TMEM135: variants seen among roughly 807,000 people sequenced by gnomAD.
The protein encoded by TMEM135 is transmembrane protein 135.
A neutral mutation model predicts 60.3 loss-of-function variants in TMEM135; 30 were observed. The observed-to-expected ratio is 0.50, with a 90% confidence interval of 0.37 to 0.68. The LOEUF (loss-of-function observed/expected upper bound fraction) is 0.68, where lower values mean the gene tolerates loss of function less well. TMEM135 is among the 30% of genes least tolerant of loss of function. The pLI is 0.00. For missense variants in TMEM135, 468 were observed against 548.8 expected (o/e 0.85, Z 1.47); for synonymous variants, 190 against 186.7 (o/e 1.02, Z -0.14).
chr11:87,197,966 T>A (rs1329063317), intron 5 of TMEM135, among the ~76,000 whole-genome samples: 1 of 152,130 alleles, frequency 6.6e-6, no homozygotes, highest in African/African-American at 2.4e-5. Flanking sequence ...TTTAGGTACA[T>A]AATAGTTGTA....
intron 5 of TMEM135, among the ~76,000 whole-genome samples, chr11:87,158,534 T>C (rs1325429957): frequency 2.4e-4 from 36 of 151,278 alleles, no homozygotes; most frequent in African/African-American, 8.3e-4. Flanking sequence ...TGATCTTGGC[T>C]TACTACAAGC....
At chr11:87,316,001 C>T (rs1942722156) in intron 12 of TMEM135, among the ~76,000 whole-genome samples, 1 of 151,830 alleles carries the variant, frequency 6.6e-6, no homozygotes. Flanking sequence ...CATTTTCTGC[C>T]TCAGATGTAG....
chr11:87,184,201 G>T (rs1939594599), intron 5 of TMEM135, among the ~76,000 whole-genome samples: 1 of 152,048 alleles, frequency 6.6e-6, no homozygotes, highest in Non-Finnish European at 1.5e-5. Flanking sequence ...GTGATCCAAA[G>T]AAGTCATCAA....
At chr11:87,194,168 G>C (rs927697082) in intron 5 of TMEM135, among the ~76,000 whole-genome samples, 2 of 152,060 alleles carry the variant, frequency 1.3e-5, no homozygotes, top group East Asian at 1.9e-4. Flanking sequence ...CCACACAAAA[G>C]ACAACATATT....
rs145966589 is a variant in TMEM135 at position 87,066,119 on chromosome 11, C to T, written c.142-1575C>T. Among the ~76,000 whole-genome samples the T allele has an allele frequency of 3.9e-4, 60 of 152,216 alleles. No individual in the cohort carries two copies. The East Asian group carries it at 0.01, about 26-fold the overall frequency. On this transcript the variant is annotated intron_variant, in intron 1 of 14. Transcript: ENST00000305494. Reference sequence around the variant, plus strand: ...ATTAGATTTGTTGATCACTGACTTTCGGAAAAGTATTATCTCTAGAAAGAT... The same window carrying T: ...ATTAGATTTGTTGATCACTGACTTTTGGAAAAGTATTATCTCTAGAAAGAT...
intron 5 of TMEM135, among the ~76,000 whole-genome samples, chr11:87,189,959 CATAAA>C (rs780654133): frequency 6.6e-4 from 101 of 152,070 alleles, no homozygotes; most frequent in Non-Finnish European, 9.7e-4. Flanking sequence ...AAATAAAATA[CATAAA>C]ATAAAAAATC....
At chr11:87,176,678 A>G (rs1404297256) in intron 5 of TMEM135, among the ~76,000 whole-genome samples, 2 of 152,174 alleles carry the variant, frequency 1.3e-5, no homozygotes, top group Non-Finnish European at 2.9e-5. Context: ...GGTAGGTTGA[A>G]GAGTTGAAGG....
intron 5 of TMEM135, among the ~76,000 whole-genome samples, chr11:87,213,213 T>A (rs1433860943): frequency 2.0e-5 from 3 of 152,156 alleles, no homozygotes; most frequent in Admixed American, 1.3e-4. Flanking sequence ...TATAAAATGG[T>A]CTCTGTGTGT....
chr11:87,297,261 G>A (rs150313342), intron 7 of TMEM135, among the ~76,000 whole-genome samples: 151 of 152,254 alleles, frequency 9.9e-4, no homozygotes, highest in Non-Finnish European at 1.8e-3. Context: ...AAACCAAAGT[G>A]CCTGAAAGAA....
At chr11:87,194,150 C>T (rs1382911296) in intron 5 of TMEM135, among the ~76,000 whole-genome samples, 1 of 152,052 alleles carries the variant, frequency 6.6e-6, no homozygotes, top group Non-Finnish European at 1.5e-5. Context: ...GAAAAAGAAA[C>T]TGTGGCTCCA....
chr11:87,305,667 G>A (rs1028327498), intron 8 of TMEM135, among the ~76,000 whole-genome samples: 6 of 151,934 alleles, frequency 3.9e-5, no homozygotes, highest in African/African-American at 1.2e-4. Context: ...CCAGCTACTC[G>A]GGAGGCTGAG....
chr11:87,169,436 G>A (rs1373153507), intron 5 of TMEM135, among the ~76,000 whole-genome samples: 1 of 151,692 alleles, frequency 6.6e-6, no homozygotes, highest in African/African-American at 2.4e-5. Flanking sequence ...GCAGTGGCTG[G>A]TACTGGTTTT....
chr11:87,316,815 T>C (rs1163724229), intron 12 of TMEM135, among the ~76,000 whole-genome samples: 1 of 151,940 alleles, frequency 6.6e-6, no homozygotes. Flanking sequence ...CTCTGTTTCT[T>C]GTGTCATCAG....
At chr11:87,301,809 A>G (rs115305368) in intron 7 of TMEM135, among the ~76,000 whole-genome samples, 5,305 of 152,288 alleles carry the variant, frequency 0.035, 91 homozygotes, top group Admixed American at 0.046. Flanking sequence ...TGAAATAGGA[A>G]TATTATTTTC....
At chr11:87,313,697 G>A (rs1337451593) in intron 11 of TMEM135, among the ~76,000 whole-genome samples, 1 of 151,648 alleles carries the variant, frequency 6.6e-6, no homozygotes, top group Non-Finnish European at 1.5e-5. Flanking sequence ...CAATATAATG[G>A]CTTGGGTATC....
At chr11:87,102,139 T>C (rs1857472186) in intron 4 of TMEM135, among the ~76,000 whole-genome samples, 1 of 152,204 alleles carries the variant, frequency 6.6e-6, no homozygotes, top group Non-Finnish European at 1.5e-5. Context: ...TACCTGGAGA[T>C]AGCATCAGAT....
At chr11:87,166,344 A>T (rs566008095) in intron 5 of TMEM135, among the ~76,000 whole-genome samples, 1 of 151,568 alleles carries the variant, frequency 6.6e-6, no homozygotes, top group African/African-American at 2.4e-5. Flanking sequence ...TTTTGTTGCC[A>T]TTGCTTTTGG....
At chr11:87,077,486 A>G (rs1276223242) in intron 3 of TMEM135, among the ~76,000 whole-genome samples, 1 of 152,176 alleles carries the variant, frequency 6.6e-6, no homozygotes, top group Non-Finnish European at 1.5e-5. Context: ...ATTTCTTTTC[A>G]TCAGTTTTTA....
At chr11:87,248,142 A>T (rs1222659524) in intron 6 of TMEM135, among the ~76,000 whole-genome samples, 2 of 152,190 alleles carry the variant, frequency 1.3e-5, no homozygotes, top group Non-Finnish European at 2.9e-5. Context: ...GCTGTTGTGA[A>T]TAATGCTGCA....
Sources: allele counts gnomAD v4.1 joint callset (sites outside exome capture counted in the v4.1 genomes callset), GRCh38; gene constraint gnomAD v4.1.1; transcripts MANE v1.5; gene names NCBI Gene and HGNC (gene_info 2026-07-23, HGNC 2026-07-21).